The following SPATA22 variants were observed in gnomAD, a reference collection of about 807,000 sequenced individuals.
SPATA22 encodes spermatogenesis associated 22.
Under a neutral mutation model 47.8 loss-of-function variants are expected in SPATA22, and 29 were observed. The ratio of observed to expected loss-of-function variants is 0.61; its 90% CI spans 0.45 to 0.83. The LOEUF (loss-of-function observed/expected upper bound fraction) is 0.83. Ranked by LOEUF, SPATA22 falls within the 40% of genes least tolerant of loss-of-function variation. SPATA22 has a pLI of 0.00. For missense variants in SPATA22, 410 were observed against 421.7 expected (o/e 0.97, Z 0.24); for synonymous variants, 133 against 140.9 (o/e 0.94, Z 0.40).
At chr17:3,442,750 G>A (rs1047815646) in intron 8 of SPATA22, among the ~76,000 whole-genome samples, 1 of 151,764 alleles carries the variant, frequency 6.6e-6, no homozygotes, top group African/African-American at 2.4e-5. Context: ...ACACATTTTG[G>A]CTTAGTTGAT....
At chr17:3,496,456 A>G (rs2073908650) in intron 1 of SPATA22, among the ~76,000 whole-genome samples, 1 of 152,212 alleles carries the variant, frequency 6.6e-6, no homozygotes, top group Admixed American at 6.5e-5. Context: ...TGGAACCTAG[A>G]AGATGAGAAG....
rs1234180296 is a variant in SPATA22 at position 3,483,499 on chromosome 17, A to C, written c.-73-14101T>G. On this transcript the variant is annotated intron_variant, in intron 1 of 8. Transcript: ENST00000541913. Reference sequence around the variant, plus strand: ...GAAAGACGTTTTTGATTTTTTTCAGACTTCTCTGGCTCCACTACCCTGCTA... The same window carrying C: ...GAAAGACGTTTTTGATTTTTTTCAGCCTTCTCTGGCTCCACTACCCTGCTA... The C allele has an allele frequency of 1.9e-6, 3 of 1,613,680 alleles. No individual in the cohort carries two copies. Among genetic ancestry groups the C allele is most frequent in the Non-Finnish European group, 2.5e-6 (3 of 1,179,850 alleles).
intron 5 of SPATA22, among the ~76,000 whole-genome samples, chr17:3,450,188 TAC>T (rs745387374): frequency 6.6e-6 from 1 of 152,106 alleles, no homozygotes; most frequent in African/African-American, 2.4e-5. Flanking sequence ...TTCCTGGAAA[TAC>T]CACAAGTATC....
intron 1 of SPATA22, among the ~76,000 whole-genome samples, chr17:3,483,841 C>T (rs2073675678): frequency 6.6e-6 from 1 of 151,804 alleles, no homozygotes; most frequent in African/African-American, 2.4e-5. Context: ...ATTTTTAGTA[C>T]AGACGGAGTT....
chr17:3,511,375 G>A (rs2074111395), intron 1 of SPATA22: 1 of 152,208 alleles, frequency 6.6e-6, no homozygotes, highest in Non-Finnish European at 1.5e-5. Flanking sequence ...GGCTCAGGGA[G>A]ACATCTGTGG....
chr17:3,478,193 A>AT (rs201758264), intron 1 of SPATA22, among the ~76,000 whole-genome samples: 3,150 of 150,836 alleles, frequency 0.021, 83 homozygotes, highest in African/African-American at 0.064. Context: ...TCAAAAAAAA[A>AT]AATATATATA....
intron 6 of SPATA22, among the ~76,000 whole-genome samples, chr17:3,448,317 G>A (rs1032578594): frequency 1.3e-5 from 2 of 152,330 alleles, no homozygotes; most frequent in Admixed American, 6.5e-5. Flanking sequence ...TGTTGGAGGA[G>A]AGCAGTGTCC....
chr17:3,440,337 T>C lies in SPATA22; in HGVS notation c.902A>G (p.Asp301Gly). 1 of 1,487,682 alleles carries C rather than the reference T, an allele frequency of 6.7e-7. No individual in the cohort carries two copies. Among genetic ancestry groups the C allele is most frequent in the South Asian group, 1.4e-5 (1 of 73,188 alleles). The allele number at this position is 1,487,682 out of a possible 1,614,324, so 92.2% of individuals were successfully genotyped here. A position where few individuals can be genotyped will look rare whatever the true frequency, so the allele number is the denominator to read the frequency against. ...TCTAATCAGTCTCGGAAGTTCACGA[T>C]CCTGTTTTTCAAAAAATAAGTATCA... ...NTLPCVFYEI[D>G]RELPRLIRGR... The change falls in exon 9 of 9, where the codon GAT (aspartate) becomes GGT (glycine). Residue 301 changes from aspartate (D) to glycine (G), a missense_variant and splice_region_variant. Physicochemically the swap from Asp to Gly is moderately conservative, Grantham distance 94. Transcript: ENST00000572969.
At chr17:3,479,922 C>T (rs2073598263) in intron 1 of SPATA22, among the ~76,000 whole-genome samples, 1 of 151,976 alleles carries the variant, frequency 6.6e-6, no homozygotes, top group Non-Finnish European at 1.5e-5. Flanking sequence ...TGTATCTTAA[C>T]CATTGTGGGA....
In SPATA22 at chr17:3,447,126, G is replaced by A. The variant is rs187601317; in HGVS notation, c.673-525C>T. Among the ~76,000 whole-genome samples the A allele has an allele frequency of 2.7e-3, 409 of 152,146 alleles. 2 individuals are homozygous for A. Among genetic ancestry groups the A allele is most frequent in the African/African-American group, 9.4e-3 (390 of 41,504 alleles). On this transcript the variant is annotated intron_variant, in intron 6 of 8. Transcript: ENST00000572969. The stretch of plus-strand genomic sequence containing the variant: ...AAAATAAGTAAACATATAACAGAAT[G>A]TCAGGAAATGTACTTTTTTTTTAGG...
chr17:3,480,467 T>A (rs1484287357), intron 1 of SPATA22, among the ~76,000 whole-genome samples: 1 of 152,138 alleles, frequency 6.6e-6, no homozygotes, highest in Admixed American at 6.6e-5. Flanking sequence ...CTGAATCAGT[T>A]CCTACGTGGG....
upstream of SPATA22, among the ~76,000 whole-genome samples, chr17:3,476,788 C>T (rs981343358): frequency 6.6e-6 from 1 of 152,190 alleles, no homozygotes; most frequent in Admixed American, 6.5e-5. Flanking sequence ...AAATTCACTA[C>T]GTTTTCAAGC....
rs575526704 is a variant in SPATA22 at position 3,491,090 on chromosome 17, T to G, written c.-73-21692A>C. 1.1e-4 allele frequency among the ~76,000 whole-genome samples: 17 copies of G among 152,312 alleles called. No individual in the cohort carries two copies. In the Middle Eastern group the frequency reaches 0.01, roughly 91 times the overall value. ...GGCTTCATTCTTGACTCTGTCCTAC[T>G]CAGAACTGTAGTTAGTGACTTGGAT... On this transcript the variant is annotated intron_variant, in intron 1 of 8. Transcript: ENST00000541913.
At chr17:3,471,837 C>T (rs76698640), upstream of SPATA22, 36,718 of 985,040 alleles carry the variant, frequency 0.037, 2,286 homozygotes, top group African/African-American at 0.25. Flanking sequence ...TCGCAGGCGC[C>T]GTGGACCGCG....
intron 1 of SPATA22, chr17:3,512,409 T>C (rs1023069249): frequency 6.6e-6 from 1 of 151,976 alleles, no homozygotes; most frequent in Non-Finnish European, 1.5e-5. Flanking sequence ...GCACACAGAG[T>C]GGCCCAGGGC....
At chr17:3,482,884 C>T (rs371357786) in intron 1 of SPATA22, among the ~76,000 whole-genome samples, 1 of 150,718 alleles carries the variant, frequency 6.6e-6, no homozygotes, top group Non-Finnish European at 1.5e-5. Context: ...TGGTGTGCCG[C>T]ACCCATTAAC....
intron 3 of SPATA22, among the ~76,000 whole-genome samples, chr17:3,467,024 C>T (rs1367409322): frequency 6.6e-6 from 1 of 152,170 alleles, no homozygotes; most frequent in Non-Finnish European, 1.5e-5. Flanking sequence ...TTCCTAAAAT[C>T]TATCTTTTTT....
rs775720775 is a variant in SPATA22, at chr17:3,448,952, C to T, written c.527G>A (p.Arg176Lys). The T allele has an allele frequency of 1.1e-5, 18 of 1,613,834 alleles. No homozygotes were observed. In the South Asian group the frequency reaches 1.9e-4, roughly 17 times the overall value. The change falls in exon 6 of 9, where the codon AGA (arginine) becomes AAA (lysine). Residue 176 changes from arginine to lysine, a missense_variant. By Grantham distance (26) the Arg-to-Lys change is conservative (BLOSUM62 2). Coordinates refer to ENST00000572969, the MANE Select transcript of SPATA22 (RefSeq NM_001170698.2). ...AGATATTTTTGATGAATGTGTTTGT[C>T]TGAGTAGCTCGGTTTCTTTGTTGCG... ...LSRNKETELL[R>K]QTHSSKISGC...
chr17:3,473,638 A>C (rs1167781314), upstream of SPATA22, among the ~76,000 whole-genome samples: 1 of 152,162 alleles, frequency 6.6e-6, no homozygotes, highest in Non-Finnish European at 1.5e-5. Context: ...AACTAGGATT[A>C]CAGGCACCCG....
Sources: allele counts gnomAD v4.1 joint callset (sites outside exome capture counted in the v4.1 genomes callset), GRCh38; gene constraint gnomAD v4.1.1; transcripts MANE v1.5; gene names NCBI Gene and HGNC (gene_info 2026-07-23, HGNC 2026-07-21).